GPHN: variants seen among roughly 807,000 people sequenced by gnomAD.
GPHN encodes gephyrin.
Under a neutral mutation model 95.5 loss-of-function variants are expected in GPHN, and 17 were observed. The observed-to-expected ratio is 0.18, with a 90% CI of 0.12 to 0.27. The LOEUF (loss-of-function observed/expected upper bound fraction) is 0.27. Ranked by LOEUF, GPHN falls within the 10% of genes least tolerant of loss-of-function variation. GPHN has a pLI of 1.00. For synonymous variants in GPHN, 320 were observed against 322.5 expected (o/e 0.99, Z 0.08); for missense variants, 660 against 978.1 (o/e 0.67, Z 4.34).
the GPHN span, among the ~76,000 whole-genome samples, chr14:67,412,456 A>T: frequency 6.6e-6 from 1 of 151,902 alleles, no homozygotes; most frequent in Non-Finnish European, 1.5e-5. Context: ...AACCGACAGG[A>T]CTCCAGGATT....
chr14:66,706,746 G>T (rs1432633740), intron 2 of GPHN, among the ~76,000 whole-genome samples: 1 of 152,156 alleles, frequency 6.6e-6, no homozygotes, highest in Non-Finnish European at 1.5e-5. Flanking sequence ...TCAGGACACA[G>T]GCATGGGCAA....
the GPHN span, among the ~76,000 whole-genome samples, chr14:67,286,825 C>T: frequency 6.8e-6 from 1 of 146,776 alleles, no homozygotes; most frequent in South Asian, 2.2e-4. Flanking sequence ...CCACTGCACT[C>T]CAGCGTGGTG....
In GPHN at chr14:66,898,466, TAAAAAAA is replaced by T. The variant is rs59434196; in HGVS notation, c.390-17518_390-17512del. Among the ~76,000 whole-genome samples the T allele has an allele frequency of 8.6e-4, 79 of 91,756 alleles. 1 individual carries two copies. In the South Asian group the frequency reaches 0.024, roughly 27 times the overall value. 60.2% of individuals were successfully genotyped at this position (91,756 alleles called of 152,430 possible). On this transcript the variant is annotated intron_variant, in intron 5 of 22. Transcript: ENST00000478722. ...ACCACTTGCTCCAGTGCTACTTGTT[TAAAAAAA>T]AAAAAAAAAAAAAAAAAAGCTACCT...
the GPHN span, among the ~76,000 whole-genome samples, chr14:67,420,752 G>A: frequency 6.6e-6 from 1 of 152,248 alleles, no homozygotes; most frequent in Non-Finnish European, 1.5e-5. Flanking sequence ...CCTGCAAGTT[G>A]GGGCCCTTAG....
chr14:66,792,018 T>C (rs921623826), intron 3 of GPHN, among the ~76,000 whole-genome samples: 1 of 152,136 alleles, frequency 6.6e-6, no homozygotes, highest in Admixed American at 6.5e-5. Flanking sequence ...TATAAAACCA[T>C]CATGTCTCAT....
chr14:66,819,476 C>T (rs964825976), intron 3 of GPHN, among the ~76,000 whole-genome samples: 20 of 151,796 alleles, frequency 1.3e-4, no homozygotes, highest in South Asian at 4.2e-4. Context: ...TGTAGGTGTG[C>T]GGTCTTATTT....
At chr14:66,955,800 C>T (rs1389282735) in intron 8 of GPHN, among the ~76,000 whole-genome samples, 1 of 152,018 alleles carries the variant, frequency 6.6e-6, no homozygotes, top group Non-Finnish European at 1.5e-5. Context: ...TGAGAACATG[C>T]GGTGTTTGGA....
chr14:67,123,207 TACCTCATCACTGTGTAG>T (rs1235511546), intron 17 of GPHN, among the ~76,000 whole-genome samples: 1 of 152,254 alleles, frequency 6.6e-6, no homozygotes, highest in Non-Finnish European at 1.5e-5. Flanking sequence ...CTCTTATCAC[TACCTCATCACTGTGTAG>T]ACCTCATTAA....
chr14:67,607,274 T>G, the GPHN span, among the ~76,000 whole-genome samples: 3 of 152,186 alleles, frequency 2.0e-5, no homozygotes, highest in Non-Finnish European at 4.4e-5. Context: ...GCTGGCAAGC[T>G]CTTAAAAACC....
intron 8 of GPHN, among the ~76,000 whole-genome samples, chr14:66,963,366 CACAG>C (rs1230770705): frequency 6.6e-6 from 1 of 151,982 alleles, no homozygotes; most frequent in African/African-American, 2.4e-5. Flanking sequence ...ATATCACACA[CACAG>C]AGACATTATT....
At chr14:66,964,770 G>C (rs1214101898) in intron 8 of GPHN, among the ~76,000 whole-genome samples, 1 of 152,156 alleles carries the variant, frequency 6.6e-6, no homozygotes, top group Non-Finnish European at 1.5e-5. Context: ...GGAAGCCAGG[G>C]CAGAAAATAA....
chr14:67,586,090 CT>C, the GPHN span: 1 of 1,613,888 alleles, frequency 6.2e-7, no homozygotes, highest in African/African-American at 1.3e-5. Flanking sequence ...CGGATGGCTG[CT>C]CCCAAGGTAG....
intron 4 of GPHN, among the ~76,000 whole-genome samples, chr14:66,845,319 T>A (rs1368114050): frequency 6.6e-6 from 1 of 152,104 alleles, no homozygotes; most frequent in African/African-American, 2.4e-5. Flanking sequence ...ATATGAAAGA[T>A]TAATAAGTCC....
chr14:67,630,889 G>C, the GPHN span, among the ~76,000 whole-genome samples: 1 of 152,086 alleles, frequency 6.6e-6, no homozygotes, highest in African/African-American at 2.4e-5. Flanking sequence ...CGCCCATGTA[G>C]CATGTAGAAT....
At chr14:67,675,612 A>G in the GPHN span, among the ~76,000 whole-genome samples, 1 of 152,154 alleles carries the variant, frequency 6.6e-6, no homozygotes, top group African/African-American at 2.4e-5. Flanking sequence ...GCACTTGTTG[A>G]CAACAGGTGT....
chr14:67,351,911 C>CAAAAAAAAAAAAAAAA, the GPHN span, among the ~76,000 whole-genome samples: 16 of 128,066 alleles, frequency 1.2e-4, no homozygotes, highest in Admixed American at 3.2e-4. Context: ...GAACCTCTAC[C>CAAAAAAAAAAAAAAAA]AAAAAAAAAA....
the GPHN span, among the ~76,000 whole-genome samples, chr14:67,530,496 T>G: frequency 6.6e-6 from 1 of 152,202 alleles, no homozygotes; most frequent in Non-Finnish European, 1.5e-5. Context: ...CATTCCAGCC[T>G]AAACCATGTA....
At chr14:67,493,360 C>G in the GPHN span, among the ~76,000 whole-genome samples, 1 of 152,172 alleles carries the variant, frequency 6.6e-6, no homozygotes, top group Non-Finnish European at 1.5e-5. Flanking sequence ...ATGATGTCAA[C>G]AGTAGCCAAT....
chr14:67,348,358 T>A, the GPHN span, among the ~76,000 whole-genome samples: 112 of 151,392 alleles, frequency 7.4e-4, no homozygotes, highest in African/African-American at 2.6e-3. Context: ...GTGTGAGCCA[T>A]CACACCCGGC....
Sources: gnomAD v4.1 joint callset for allele counts (sites outside exome capture counted in the v4.1 genomes callset) on GRCh38, gnomAD v4.1.1 for gene constraint, MANE v1.5 for transcripts, NCBI Gene and HGNC (gene_info 2026-07-23, HGNC 2026-07-21) for gene names.